The following ITGBL1 variants were observed in gnomAD, a reference collection of about 807,000 sequenced individuals.
ITGBL1 encodes integrin subunit beta like 1, also known as integrin beta-like protein 1.
In ITGBL1, 51 loss-of-function variants were observed where a neutral mutation model predicts 68.5. The observed-to-expected ratio is 0.74, with a 90% CI of 0.59 to 0.94. ITGBL1 has a LOEUF of 0.94. Ranked by LOEUF, ITGBL1 falls within the 40% of genes least tolerant of loss-of-function variation. The probability of loss-of-function intolerance (pLI) is 0.00; values close to 1 mark genes in which losing one functional copy is unlikely to be tolerated. For missense variants in ITGBL1, 649 were observed against 647.4 expected, an observed-to-expected ratio of 1.00 and a Z score of -0.03; for synonymous variants, 209 against 227.3, an observed-to-expected ratio of 0.92 and a Z score of 0.72.
intron 2 of ITGBL1, among the ~76,000 whole-genome samples, chr13:101,509,042 A>T (rs1365859294): frequency 6.6e-6 from 1 of 152,170 alleles, no homozygotes; most frequent in Non-Finnish European, 1.5e-5. Context: ...GTCCATTTTC[A>T]TGCTGCTGAT....
In ITGBL1 at chr13:101,612,966, A is replaced by AG. The variant is rs531482941; in HGVS notation, c.1015+14672dup. ...TCCAACTGTGAGGGCGTGTGCTCTGAGGGGGCAGGGATGGAAGAGATGGCC... is the reference window on the plus strand; with the variant it reads ...TCCAACTGTGAGGGCGTGTGCTCTGAGGGGGGCAGGGATGGAAGAGATGGCC... On this transcript the variant is annotated intron_variant, in intron 7 of 10. Coordinates refer to ENST00000376180, the MANE Select transcript of ITGBL1 (RefSeq NM_004791.3). Among the ~76,000 whole-genome samples the AG allele has an allele frequency of 6.8e-4, 104 of 152,248 alleles. 4 individuals are homozygous for AG. In the South Asian group the frequency reaches 0.021, roughly 31 times the overall value.
rs2050149295 is a variant in ITGBL1, at chr13:101,564,452, A to G, written c.317-3247A>G. Among the ~76,000 whole-genome samples the G allele has an allele frequency of 4.0e-5, 6 of 151,842 alleles. No homozygotes were observed. The South Asian group carries it at 1.2e-3, about 32-fold the overall frequency. ...ACAAATTGGGAGAGAATATTTGCAA[A>G]TTACATTTGTGACAATGAACTTCTA... On this transcript the variant is annotated intron_variant, in intron 2 of 10. Transcript: ENST00000376180.
intron 2 of ITGBL1, among the ~76,000 whole-genome samples, chr13:101,515,748 A>G (rs1216565472): frequency 6.6e-6 from 1 of 151,560 alleles, no homozygotes; most frequent in Non-Finnish European, 1.5e-5. Context: ...TTCTTTAGGA[A>G]CTCTTTGAAT....
chr13:101,472,384 G>A lies in ITGBL1; in HGVS notation c.316+18284G>A, dbSNP rs568031499. Reference sequence around the variant, plus strand: ...TTTTTATATGCACATTCAGTAAGCTGCTTACCTATGTTTTGTTACATTACT... The same window carrying A: ...TTTTTATATGCACATTCAGTAAGCTACTTACCTATGTTTTGTTACATTACT... On this transcript the variant is annotated intron_variant, in intron 2 of 10. Coordinates refer to ENST00000376180, the MANE Select transcript of ITGBL1 (RefSeq NM_004791.3). Among the ~76,000 whole-genome samples, 3 of 152,224 alleles carry A rather than the reference G, an allele frequency of 2.0e-5. No homozygotes were observed. In the South Asian group the frequency reaches 6.2e-4, roughly 32 times the overall value.
chr13:101,508,415 T>C (rs1012821346), intron 2 of ITGBL1, among the ~76,000 whole-genome samples: 1 of 152,164 alleles, frequency 6.6e-6, no homozygotes, highest in Non-Finnish European at 1.5e-5. Flanking sequence ...TGGTAGGAGT[T>C]ATTGAATTGG....
At chr13:101,509,729 C>T (rs9518426) in intron 2 of ITGBL1, among the ~76,000 whole-genome samples, 22,309 of 152,010 alleles carry the variant, frequency 0.15, 2,187 homozygotes, top group African/African-American at 0.27. Flanking sequence ...TGTCTGATTC[C>T]AGAGTGAACA....
At chr13:101,529,221 A>G (rs1461423273) in intron 2 of ITGBL1, among the ~76,000 whole-genome samples, 4 of 152,000 alleles carry the variant, frequency 2.6e-5, no homozygotes, top group African/African-American at 4.8e-5. Flanking sequence ...GAAACGTGGA[A>G]TATGAATAAA....
intron 7 of ITGBL1, among the ~76,000 whole-genome samples, chr13:101,634,793 A>G (rs2032110437): frequency 6.6e-6 from 1 of 152,118 alleles, no homozygotes; most frequent in African/African-American, 2.4e-5. Flanking sequence ...AGAAAATGAT[A>G]AAAGAAGAGT....
intron 2 of ITGBL1, among the ~76,000 whole-genome samples, chr13:101,529,461 TA>T (rs1195097672): frequency 6.6e-6 from 1 of 151,902 alleles, no homozygotes; most frequent in African/African-American, 2.4e-5. Context: ...AAAGAAAAAA[TA>T]ACAACTGGGC....
At chr13:101,703,379 A>G (rs2034180546) in intron 8 of ITGBL1, among the ~76,000 whole-genome samples, 1 of 152,212 alleles carries the variant, frequency 6.6e-6, no homozygotes, top group Non-Finnish European at 1.5e-5. Context: ...ATGTGCAGGA[A>G]ACAATGAATG....
At chr13:101,575,689 A>G in intron 4 of ITGBL1, 143 bp downstream of exon 4, 1 of 821,016 alleles carries the variant, frequency 1.2e-6, no homozygotes, top group Admixed American at 2.5e-5. Context: ...CATTTCACAT[A>G]AGGAGAGTGA....
downstream of ITGBL1, chr13:101,720,053 A>G (rs2034874142): frequency 6.6e-6 from 1 of 152,152 alleles, no homozygotes; most frequent in Admixed American, 6.6e-5. Context: ...GTTTTTTAAT[A>G]TGCCTTCATA....
intron 2 of ITGBL1, among the ~76,000 whole-genome samples, chr13:101,505,080 T>C (rs2049006051): frequency 6.6e-6 from 1 of 151,786 alleles, no homozygotes; most frequent in Non-Finnish European, 1.5e-5. Context: ...CCTCCCTACT[T>C]ATTTATTATA....
chr13:101,591,043 C>T (rs1274539745), intron 6 of ITGBL1, among the ~76,000 whole-genome samples: 2 of 152,150 alleles, frequency 1.3e-5, no homozygotes, highest in Non-Finnish European at 2.9e-5. Context: ...GCTGAAACTA[C>T]AGGCATTTGC....
At chr13:101,469,176 A>G (rs1370678094) in intron 2 of ITGBL1, among the ~76,000 whole-genome samples, 1 of 152,222 alleles carries the variant, frequency 6.6e-6, no homozygotes, top group Non-Finnish European at 1.5e-5. Context: ...TTTGAGATCA[A>G]AGCTATGCGA....
intron 2 of ITGBL1, among the ~76,000 whole-genome samples, chr13:101,460,624 A>G (rs1201987546): frequency 3.3e-5 from 5 of 152,312 alleles, no homozygotes; most frequent in African/African-American, 1.2e-4. Flanking sequence ...GTTGCTGTAA[A>G]AGAATACCTG....
At chr13:101,684,719 A>G (rs1007659779) in intron 7 of ITGBL1, among the ~76,000 whole-genome samples, 2 of 151,886 alleles carry the variant, frequency 1.3e-5, no homozygotes, top group Non-Finnish European at 2.9e-5. Context: ...CGACAAAGAC[A>G]TCTAGTGCAA....
At chr13:101,632,782 A>G (rs1240816406) in intron 7 of ITGBL1, among the ~76,000 whole-genome samples, 1 of 152,250 alleles carries the variant, frequency 6.6e-6, no homozygotes, top group Non-Finnish European at 1.5e-5. Flanking sequence ...TCAGGTTTAC[A>G]AGTTTAGAAG....
At chr13:101,720,568 A>ATG (rs1173322733), downstream of ITGBL1, 2 of 137,180 alleles carry the variant, frequency 1.5e-5, no homozygotes, top group Middle Eastern at 3.3e-3. Flanking sequence ...GTGTGTGTAT[A>ATG]TGTGTGTGTT....
Sources: gnomAD v4.1 joint callset for allele counts (sites outside exome capture counted in the v4.1 genomes callset) on GRCh38, gnomAD v4.1.1 for gene constraint, MANE v1.5 for transcripts, NCBI Gene and HGNC (gene_info 2026-07-23, HGNC 2026-07-21) for gene names.